Variants in KALRN observed in about 807,000 individuals in gnomAD.
KALRN encodes kalirin.
Under a neutral mutation model 353.7 loss-of-function variants are expected in KALRN, and 70 were observed. That is an observed-to-expected ratio of 0.20 (90% CI 0.16 to 0.24). The LOEUF is 0.24. KALRN is among the 10% of genes least tolerant of loss of function. The pLI is 1.00. For missense variants in KALRN, 2,791 were observed against 3,756.7 expected (o/e 0.74, Z 6.72); for synonymous variants, 1,391 against 1,434.8 (o/e 0.97, Z 0.69).
chr3:124,496,511 T>C lies in KALRN; in HGVS notation c.4935+98T>C. On this transcript the variant is annotated intron_variant, in intron 33 of 59. Coordinates refer to ENST00000682506, the MANE Select transcript of KALRN (RefSeq NM_001388419.1). ...AGAGAATTTCTCTCACTATGGATCC[T>C]ACCTTCAGGAGCCAGTTGTCTCTTT... 4 of 745,734 alleles carry C rather than the reference T, an allele frequency of 5.4e-6. No homozygotes were observed. The South Asian group carries it at 6.0e-5, about 11-fold the overall frequency. The allele number at this position is 745,734 out of a possible 1,614,324, so 46.2% of individuals were successfully genotyped here.
At chr3:124,035,220 C>T (rs1214521759) in intron 1 of KALRN, among the ~76,000 whole-genome samples, 1 of 151,664 alleles carries the variant, frequency 6.6e-6, no homozygotes, top group Non-Finnish European at 1.5e-5. Flanking sequence ...ATTCTATTTT[C>T]TTTCTTCTCT....
intron 1 of KALRN, among the ~76,000 whole-genome samples, chr3:124,190,435 G>A (rs1026963450): frequency 2.0e-5 from 3 of 152,334 alleles, no homozygotes; most frequent in South Asian, 4.1e-4. Flanking sequence ...CCTGGGGTTT[G>A]ACCAGATTGC....
chr3:124,570,803 C>T (rs915871938), intron 34 of KALRN, among the ~76,000 whole-genome samples: 3 of 152,072 alleles, frequency 2.0e-5, no homozygotes, highest in East Asian at 3.9e-4. Flanking sequence ...AATTTGACTC[C>T]AGAACATTGG....
intron 38 of KALRN, among the ~76,000 whole-genome samples, chr3:124,654,876 G>A (rs66817733): frequency 1.3e-5 from 2 of 152,136 alleles, no homozygotes; most frequent in African/African-American, 4.8e-5. Flanking sequence ...CAGATGAAGG[G>A]AGTGGCACAT....
intron 47 of KALRN, among the ~76,000 whole-genome samples, chr3:124,668,156 G>A (rs536067452): frequency 2.1e-4 from 32 of 151,194 alleles, no homozygotes; most frequent in Non-Finnish European, 3.7e-4. Context: ...ATGGCCATAC[G>A]TGCTCACAGG....
intron 13 of KALRN, among the ~76,000 whole-genome samples, chr3:124,405,251 G>T (rs1443143734): frequency 6.6e-6 from 1 of 152,162 alleles, no homozygotes; most frequent in Non-Finnish European, 1.5e-5. Context: ...CCTGTTTTCA[G>T]TAGAACTGTC....
chr3:124,605,586 A>AAGAGAGAGAGAG (rs1161536035), intron 34 of KALRN, among the ~76,000 whole-genome samples: 7 of 142,328 alleles, frequency 4.9e-5, no homozygotes, highest in Non-Finnish European at 6.0e-5. Context: ...AAAAAAAAAA[A>AAGAGAGAGAGAG]AGAGAGAGAG....
At chr3:124,421,630 C>T (rs144945482) in intron 14 of KALRN, among the ~76,000 whole-genome samples, 171 of 152,280 alleles carry the variant, frequency 1.1e-3, no homozygotes, top group Non-Finnish European at 1.5e-3. Flanking sequence ...AAAGCTAGTA[C>T]ACTTTCGGGT....
intron 58 of KALRN, among the ~76,000 whole-genome samples, chr3:124,714,081 A>G (rs2063018655): frequency 6.6e-6 from 1 of 152,044 alleles, no homozygotes; most frequent in African/African-American, 2.4e-5. Context: ...TGGAAAAAAA[A>G]AAAAACAGAG....
At chr3:124,367,975 C>A (rs2085150555) in intron 10 of KALRN, among the ~76,000 whole-genome samples, 1 of 29,446 alleles carries the variant, frequency 3.4e-5, no homozygotes, top group Non-Finnish European at 6.7e-5. Flanking sequence ...CTCCTCACTT[C>A]CCAGTAGGGG....
chr3:124,398,429 A>C (rs1360081061), intron 12 of KALRN, among the ~76,000 whole-genome samples: 4 of 151,984 alleles, frequency 2.6e-5, no homozygotes, highest in Non-Finnish European at 5.9e-5. Flanking sequence ...ATTTCATCTT[A>C]TTTCTTTCAC....
chr3:124,659,499 A>G (rs1167254637), intron 43 of KALRN, 42 bp downstream of exon 43: 2 of 1,362,708 alleles, frequency 1.5e-6, no homozygotes, highest in Middle Eastern at 1.8e-4. Flanking sequence ...AGAAGGATCC[A>G]TCAGGCTCAG....
At chr3:124,518,723 G>A (rs1278782289) in intron 33 of KALRN, 12 of 1,399,804 alleles carry the variant, frequency 8.6e-6, no homozygotes, top group Non-Finnish European at 1.1e-5. Context: ...AAATGGTGGG[G>A]CAGTAGGGAC....
intron 10 of KALRN, among the ~76,000 whole-genome samples, chr3:124,353,008 T>G (rs551380815): frequency 6.6e-6 from 1 of 152,180 alleles, no homozygotes; most frequent in South Asian, 2.1e-4. Context: ...GAACTGAAAG[T>G]ATAACAATAA....
In KALRN at chr3:124,631,941, G is replaced by A. The variant is rs548791980; in HGVS notation, c.5183-479G>A. Among the ~76,000 whole-genome samples the A allele has an allele frequency of 6.0e-4, 91 of 152,272 alleles. 1 individual carries two copies. The South Asian group carries it at 0.012, about 20-fold the overall frequency. Reference sequence around the variant, plus strand: ...TGCTCTTCCGCCCAGAAGGCCCTTCGCCAGATGGCGTCACCACCACTAGGC... The same window carrying A: ...TGCTCTTCCGCCCAGAAGGCCCTTCACCAGATGGCGTCACCACCACTAGGC... On this transcript the variant is annotated intron_variant, in intron 34 of 59. Coordinates refer to ENST00000682506, the MANE Select transcript of KALRN (RefSeq NM_001388419.1).
At chr3:124,330,347 T>C (rs138775133) in intron 8 of KALRN, among the ~76,000 whole-genome samples, 3 of 151,598 alleles carry the variant, frequency 2.0e-5, no homozygotes, top group South Asian at 2.1e-4. Flanking sequence ...GGGGGAGGAA[T>C]ATAAGAAAAT....
chr3:124,242,296 TCAA>T (rs1186535661), intron 3 of KALRN, among the ~76,000 whole-genome samples: 1 of 152,222 alleles, frequency 6.6e-6, no homozygotes, highest in Non-Finnish European at 1.5e-5. Context: ...AACTTAATTC[TCAA>T]CAACACTTTG....
At chr3:124,105,373 A>C (rs1289722974) in intron 1 of KALRN, among the ~76,000 whole-genome samples, 1 of 152,158 alleles carries the variant, frequency 6.6e-6, no homozygotes, top group Non-Finnish European at 1.5e-5. Flanking sequence ...TCTAGGGGGA[A>C]GTCAGGGCAG....
At chr3:124,342,237 A>T (rs974349383) in intron 9 of KALRN, among the ~76,000 whole-genome samples, 1 of 152,066 alleles carries the variant, frequency 6.6e-6, no homozygotes, top group Non-Finnish European at 1.5e-5. Context: ...GCGTAGTGGT[A>T]AAGTCAGAGC....
Sources: allele counts gnomAD v4.1 joint callset (sites outside exome capture counted in the v4.1 genomes callset), GRCh38; gene constraint gnomAD v4.1.1; transcripts MANE v1.5; gene names NCBI Gene and HGNC (gene_info 2026-07-23, HGNC 2026-07-21).